The following CNTN4 variants were observed in gnomAD, a reference collection of about 807,000 sequenced individuals.
CNTN4 encodes the protein contactin 4, also known as contactin-4.
Under a neutral mutation model 122.5 loss-of-function variants are expected in CNTN4, and 77 were observed. That is an observed-to-expected ratio of 0.63 (90% CI 0.52 to 0.76). CNTN4 has a LOEUF of 0.76. Among genes scored for constraint, CNTN4 ranks in the 30% least tolerant of loss-of-function variants. CNTN4 has a pLI of 0.00. For synonymous variants in CNTN4, 512 were observed against 447.0 expected, an observed-to-expected ratio of 1.15 and a Z score of -1.83; for missense variants, 1,256 against 1,259.1, an observed-to-expected ratio of 1.00 and a Z score of 0.04.
intron 6 of CNTN4, among the ~76,000 whole-genome samples, chr3:2,767,533 T>TTTTGTA (rs559604797): frequency 1.0e-3 from 152 of 152,048 alleles, no homozygotes; most frequent in Middle Eastern, 3.4e-3. Flanking sequence ...GCTTTTTTGT[T>TTTTGTA]TTTGTTTTTG....
intron 3 of CNTN4, among the ~76,000 whole-genome samples, chr3:2,392,781 C>T (rs1351306535): frequency 6.6e-6 from 1 of 152,192 alleles, no homozygotes. Flanking sequence ...GTTTCTAGAA[C>T]TCTTGACTTA....
intron 4 of CNTN4, among the ~76,000 whole-genome samples, chr3:2,599,173 G>C (rs755392159): frequency 1.3e-5 from 2 of 152,180 alleles, no homozygotes; most frequent in Admixed American, 1.3e-4. Context: ...ATGGAGTGTA[G>C]AGTTGGAGGT....
At chr3:2,223,706 G>A (rs1261601687) in intron 2 of CNTN4, among the ~76,000 whole-genome samples, 1 of 152,164 alleles carries the variant, frequency 6.6e-6, no homozygotes, top group African/African-American at 2.4e-5. Context: ...TGCCTAGACT[G>A]TACAATGTGG....
intron 3 of CNTN4, among the ~76,000 whole-genome samples, chr3:2,424,205 T>G (rs1397523740): frequency 1.0e-5 from 1 of 99,936 alleles, no homozygotes; most frequent in Non-Finnish European, 2.0e-5. Context: ...CCTAATGCTA[T>G]CCCTCCCCCC....
chr3:2,449,644 C>G (rs2151345711), intron 3 of CNTN4, among the ~76,000 whole-genome samples: 1 of 151,470 alleles, frequency 6.6e-6, no homozygotes, highest in Middle Eastern at 3.5e-3. Context: ...ATGCAGACTG[C>G]TAGCTCTTTG....
intron 8 of CNTN4, chr3:2,882,915 G>A (rs1458654196): frequency 4.3e-6 from 2 of 461,348 alleles, no homozygotes. Context: ...TATGCATGGA[G>A]AATTTAATCC....
intron 4 of CNTN4, among the ~76,000 whole-genome samples, chr3:2,712,809 A>G (rs1279087904): frequency 1.3e-5 from 2 of 152,148 alleles, no homozygotes; most frequent in Admixed American, 6.6e-5. Flanking sequence ...TGTCTTAACC[A>G]ATCATGCCTA....
At chr3:2,478,178 T>C (rs2075883515) in intron 3 of CNTN4, among the ~76,000 whole-genome samples, 1 of 152,192 alleles carries the variant, frequency 6.6e-6, no homozygotes, top group Non-Finnish European at 1.5e-5. Flanking sequence ...AAATGCATTC[T>C]ACAAAGTCAG....
chr3:2,446,083 G>C (rs1226016645), intron 3 of CNTN4, among the ~76,000 whole-genome samples: 1 of 152,104 alleles, frequency 6.6e-6, no homozygotes, highest in Non-Finnish European at 1.5e-5. Flanking sequence ...TTCTGATTTT[G>C]GTAGGATTCT....
chr3:2,211,097 A>G (rs1452776400), intron 2 of CNTN4, among the ~76,000 whole-genome samples: 1 of 152,208 alleles, frequency 6.6e-6, no homozygotes, highest in South Asian at 2.1e-4. Flanking sequence ...TGGTACCAGC[A>G]TCTGCTCCTG....
intron 13 of CNTN4, among the ~76,000 whole-genome samples, chr3:2,948,232 A>G (rs876256): frequency 0.075 from 11,358 of 152,276 alleles, 483 homozygotes; most frequent in Middle Eastern, 0.13. Flanking sequence ...TGTTGGCGGT[A>G]GCGTTCCCAG....
intron 3 of CNTN4, among the ~76,000 whole-genome samples, chr3:2,414,512 G>A (rs1431526187): frequency 6.6e-6 from 1 of 152,036 alleles, no homozygotes; most frequent in Non-Finnish European, 1.5e-5. Flanking sequence ...TTTTGGCTGG[G>A]AATTCAAGTG....
At chr3:2,197,068 A>G (rs73017090) in intron 2 of CNTN4, among the ~76,000 whole-genome samples, 62 of 139,798 alleles carry the variant, frequency 4.4e-4, no homozygotes, top group South Asian at 4.4e-3. Context: ...AAAAAAAAAA[A>G]AAGAAGAAGA....
intron 3 of CNTN4, among the ~76,000 whole-genome samples, chr3:2,531,168 GA>G (rs1442853636): frequency 1.3e-5 from 2 of 151,942 alleles, no homozygotes; most frequent in Admixed American, 1.3e-4. Flanking sequence ...TTGTCAACTG[GA>G]AAACAACGGC....
At chr3:2,952,509 G>T (rs1006601887) in intron 13 of CNTN4, among the ~76,000 whole-genome samples, 1 of 152,048 alleles carries the variant, frequency 6.6e-6, no homozygotes, top group African/African-American at 2.4e-5. Flanking sequence ...TTTGTTACAT[G>T]CATTTTTAGG....
intron 3 of CNTN4, among the ~76,000 whole-genome samples, chr3:2,499,651 C>T (rs2076544241): frequency 6.6e-6 from 1 of 151,878 alleles, no homozygotes; most frequent in Non-Finnish European, 1.5e-5. Flanking sequence ...TATGTTTAAG[C>T]CTTATTACTG....
At chr3:2,917,346 A>AGACGG (rs2094379135) in intron 12 of CNTN4, among the ~76,000 whole-genome samples, 1 of 120,194 alleles carries the variant, frequency 8.3e-6, no homozygotes, top group African/African-American at 3.3e-5. Context: ...TAGGGAGAGG[A>AGACGG]AGAGGGAGAC....
At chr3:2,327,945 G>A (rs565749308) in intron 2 of CNTN4, among the ~76,000 whole-genome samples, 1 of 152,304 alleles carries the variant, frequency 6.6e-6, no homozygotes, top group South Asian at 2.1e-4. Context: ...CCCCACTGAA[G>A]TAGGTCATAA....
intron 2 of CNTN4, among the ~76,000 whole-genome samples, chr3:2,271,101 A>G (rs1010531221): frequency 4.0e-5 from 5 of 125,630 alleles, no homozygotes; most frequent in Non-Finnish European, 9.7e-5. Flanking sequence ...CTGTTTCTGT[A>G]AACGGTTTGG....
Sources: allele counts gnomAD v4.1 joint callset (sites outside exome capture counted in the v4.1 genomes callset), GRCh38; gene constraint gnomAD v4.1.1; transcripts MANE v1.5; gene names NCBI Gene and HGNC (gene_info 2026-07-23, HGNC 2026-07-21).